Variants in GPC5 observed in about 807,000 individuals in gnomAD.
GPC5 encodes the protein glypican 5.
Under a neutral mutation model 53.9 loss-of-function variants are expected in GPC5, and 47 were observed. That is an observed-to-expected ratio of 0.87 (90% CI 0.69 to 1.11). GPC5 has a LOEUF of 1.11. Among genes scored for constraint, GPC5 ranks in the 50% most tolerant of loss-of-function variants. The probability of loss-of-function intolerance (pLI) is 0.00; values close to 1 mark genes in which losing one functional copy is unlikely to be tolerated. For missense variants in GPC5, 748 were observed against 713.1 expected, an observed-to-expected ratio of 1.05 and a Z score of -0.56; for synonymous variants, 286 against 263.3, an observed-to-expected ratio of 1.09 and a Z score of -0.84.
intron 3 of GPC5, among the ~76,000 whole-genome samples, chr13:91,700,661 A>C (rs2035973379): frequency 1.3e-5 from 2 of 152,128 alleles, no homozygotes; most frequent in African/African-American, 2.4e-5. Flanking sequence ...TAAGTATTTG[A>C]AGGCTATTAT....
chr13:92,414,287 C>T (rs1438801895), intron 7 of GPC5, among the ~76,000 whole-genome samples: 2 of 151,858 alleles, frequency 1.3e-5, no homozygotes, highest in Admixed American at 1.3e-4. Context: ...GGCTGATCAC[C>T]TGAGGTCAGG....
At chr13:91,416,022 TG>T (rs1878195689) in intron 1 of GPC5, among the ~76,000 whole-genome samples, 1 of 152,216 alleles carries the variant, frequency 6.6e-6, no homozygotes, top group Non-Finnish European at 1.5e-5. Flanking sequence ...TTGTACAGAA[TG>T]GGTGCTTAAT....
rs544544681 is a variant in GPC5 at position 92,663,945 on chromosome 13, G to A, written c.1562-202337G>A. On this transcript the variant is annotated intron_variant, in intron 7 of 7. Coordinates refer to ENST00000377067, the MANE Select transcript of GPC5 (RefSeq NM_004466.6). ...AAATTAGCTCGGCATGGTGCTGCAC[G>A]CCTGTAGTCCCAGCTACTTGGGAGG... 2.1e-5 allele frequency among the ~76,000 whole-genome samples: 3 copies of A among 143,862 alleles called. No individual in the cohort carries two copies. The East Asian group carries it at 6.2e-4, about 30-fold the overall frequency. The allele number at this position is 143,862 out of a possible 152,430, so 94.4% of individuals were successfully genotyped here.
intron 5 of GPC5, among the ~76,000 whole-genome samples, chr13:91,844,730 TG>T (rs2038828686): frequency 6.6e-6 from 1 of 152,012 alleles, no homozygotes; most frequent in South Asian, 2.1e-4. Flanking sequence ...TTTTTGTTTT[TG>T]TTTTTTTTTA....
chr13:91,971,453 GTC>G (rs1566370885), intron 6 of GPC5, among the ~76,000 whole-genome samples: 1 of 152,118 alleles, frequency 6.6e-6, no homozygotes, highest in African/African-American at 2.4e-5. Flanking sequence ...GAGATTTTGT[GTC>G]TCTGTTTCCT....
chr13:92,156,517 C>G (rs912642716), intron 7 of GPC5, among the ~76,000 whole-genome samples: 2 of 149,996 alleles, frequency 1.3e-5, no homozygotes, highest in African/African-American at 4.9e-5. Context: ...GTGGTGTGCT[C>G]TCTCTCATTT....
intron 6 of GPC5, among the ~76,000 whole-genome samples, chr13:92,032,580 C>T (rs1468687731): frequency 3.9e-5 from 6 of 152,068 alleles, no homozygotes; most frequent in Admixed American, 1.3e-4. Context: ...TGACCTAAAA[C>T]GTGGTCTCAC....
chr13:92,159,400 C>T (rs1256822347), intron 7 of GPC5, among the ~76,000 whole-genome samples: 3 of 152,040 alleles, frequency 2.0e-5, no homozygotes, highest in Non-Finnish European at 2.9e-5. Flanking sequence ...CTAACTTTAC[C>T]TCCATCGCTA....
chr13:92,068,050 A>G (rs1445710856), intron 6 of GPC5, among the ~76,000 whole-genome samples: 1 of 151,946 alleles, frequency 6.6e-6, no homozygotes, highest in African/African-American at 2.4e-5. Context: ...AAGGAACACC[A>G]CAGGAAATTA....
At chr13:92,682,937 T>C (rs1887151647) in intron 7 of GPC5, among the ~76,000 whole-genome samples, 1 of 152,142 alleles carries the variant, frequency 6.6e-6, no homozygotes, top group African/African-American at 2.4e-5. Context: ...CTCCTCTCCT[T>C]GTTCCCAGGA....
chr13:91,442,258 A>T (rs1880493758), intron 1 of GPC5, among the ~76,000 whole-genome samples: 1 of 152,188 alleles, frequency 6.6e-6, no homozygotes, highest in Admixed American at 6.5e-5. Context: ...ATATTTTCTT[A>T]TCACTAAAGT....
At position 91,402,852 on chromosome 13, in the gene GPC5, A is replaced by G. The variant is rs186860541; in HGVS notation, c.163+3643A>G. Among the ~76,000 whole-genome samples, 193 of 152,346 alleles carry G rather than the reference A, an allele frequency of 1.3e-3. 1 individual carries two copies. Among genetic ancestry groups the G allele is most frequent in the African/African-American group, 4.6e-3 (191 of 41,580 alleles). ...TTTTAAATTTGGGAAATGTATTTTTATCTAAAGTGATATCCGTTACATTAT... is the reference window on the plus strand; with the variant it reads ...TTTTAAATTTGGGAAATGTATTTTTGTCTAAAGTGATATCCGTTACATTAT... On this transcript the variant is annotated intron_variant, in intron 1 of 7. Transcript: ENST00000377067.
chr13:91,505,930 G>A (rs753598107), intron 2 of GPC5, among the ~76,000 whole-genome samples: 3 of 152,078 alleles, frequency 2.0e-5, no homozygotes, highest in South Asian at 2.1e-4. Flanking sequence ...CAGTTTAAAA[G>A]TGCAATATAT....
chr13:91,428,969 G>C (rs1196140345), intron 1 of GPC5, among the ~76,000 whole-genome samples: 2 of 152,134 alleles, frequency 1.3e-5, no homozygotes, highest in Non-Finnish European at 2.9e-5. Flanking sequence ...GCCCAGGTTA[G>C]AGTGCAGTGG....
chr13:91,857,097 T>C (rs968586738), intron 5 of GPC5, among the ~76,000 whole-genome samples: 1 of 151,416 alleles, frequency 6.6e-6, no homozygotes, highest in African/African-American at 2.4e-5. Context: ...TTTCTATTAG[T>C]CTATTTATCT....
chr13:91,401,549 T>C (rs1876958260), intron 1 of GPC5, among the ~76,000 whole-genome samples: 1 of 152,216 alleles, frequency 6.6e-6, no homozygotes, highest in Non-Finnish European at 1.5e-5. Context: ...TTTCACTGAC[T>C]AAAACAAACA....
At chr13:92,616,387 T>C (rs1273974460) in intron 7 of GPC5, among the ~76,000 whole-genome samples, 5 of 152,140 alleles carry the variant, frequency 3.3e-5, no homozygotes, top group Non-Finnish European at 7.4e-5. Flanking sequence ...AATAAGACTA[T>C]AGCATACCTT....
chr13:92,704,861 A>AGTGTATATCTATATACTCAATGT (rs1555304711), intron 7 of GPC5, among the ~76,000 whole-genome samples: 1 of 146,286 alleles, frequency 6.8e-6, no homozygotes, highest in Non-Finnish European at 1.5e-5. Flanking sequence ...TAAATATATG[A>AGTGTATATCTATATACTCAATGT]GTGTATATAT....
chr13:92,483,081 C>T (rs574168197), intron 7 of GPC5, among the ~76,000 whole-genome samples: 13 of 152,238 alleles, frequency 8.5e-5, no homozygotes, highest in South Asian at 4.2e-4. Context: ...TTCACTATCA[C>T]GAGAACAGTA....
Sources: allele counts gnomAD v4.1 joint callset (sites outside exome capture counted in the v4.1 genomes callset), GRCh38; gene constraint gnomAD v4.1.1; transcripts MANE v1.5; gene names NCBI Gene and HGNC (gene_info 2026-07-23, HGNC 2026-07-21).